Variants in AFAP1 observed in about 807,000 individuals in gnomAD.
AFAP1 encodes actin filament associated protein 1, also known as actin filament-associated protein 1.
Under a neutral mutation model 93.9 loss-of-function variants are expected in AFAP1, and 75 were observed. That is an observed-to-expected ratio of 0.80 (90% confidence interval 0.66 to 0.97). The LOEUF is 0.97. Among genes scored for constraint, AFAP1 ranks in the 50% least tolerant of loss-of-function variants. AFAP1 has a pLI of 0.00. For synonymous variants in AFAP1, 517 were observed against 430.7 expected (o/e 1.20, Z -2.48); for missense variants, 1,201 against 1,050.8 (o/e 1.14, Z -1.98).
intron 9 of AFAP1, among the ~76,000 whole-genome samples, chr4:7,802,982 C>T (rs1027909544): frequency 1.3e-5 from 2 of 152,186 alleles, no homozygotes; most frequent in Non-Finnish European, 2.9e-5. Flanking sequence ...AAAAGAGAAT[C>T]AACTATCATA....
intron 3 of AFAP1, among the ~76,000 whole-genome samples, chr4:7,863,690 G>C (rs889802326): frequency 3.9e-5 from 6 of 152,044 alleles, no homozygotes; most frequent in African/African-American, 1.4e-4. Context: ...GTCACACAGG[G>C]CATCTCAGGC....
intron 8 of AFAP1, among the ~76,000 whole-genome samples, chr4:7,813,783 A>G (rs1720245378): frequency 6.6e-6 from 1 of 152,238 alleles, no homozygotes; most frequent in Non-Finnish European, 1.5e-5. Context: ...AAAAGTGGGT[A>G]TCGTGACCTC....
chr4:7,769,482 A>C (rs1039558509), intron 16 of AFAP1, among the ~76,000 whole-genome samples: 1 of 152,184 alleles, frequency 6.6e-6, no homozygotes, highest in Non-Finnish European at 1.5e-5. Context: ...CTCGCTGGAG[A>C]AAAGCAGGCT....
intron 3 of AFAP1, among the ~76,000 whole-genome samples, chr4:7,863,203 C>T (rs1387269403): frequency 6.6e-6 from 1 of 152,158 alleles, no homozygotes; most frequent in African/African-American, 2.4e-5. Flanking sequence ...ACTGCCTGAG[C>T]CCAGGAGTTT....
chr4:7,855,670 T>C lies in AFAP1; in HGVS notation c.226-96A>G, dbSNP rs542818136. 4 of 1,024,238 alleles carry C rather than the reference T, an allele frequency of 3.9e-6. No individual in the cohort carries two copies. The South Asian group carries it at 5.3e-5, about 14-fold the overall frequency. 63.4% of individuals were successfully genotyped at this position (1,024,238 alleles called of 1,614,324 possible). A position where few individuals can be genotyped will look rare whatever the true frequency, so the allele number is the denominator to read the frequency against. On this transcript the variant is annotated intron_variant, in intron 3 of 17. Transcript: ENST00000420658. ...ACAGGTGTGGCCAGTCTTTTCCTCTTTCCTTTGTAAAGTCTTCGGCAAAAG... is the reference window on the plus strand; with the variant it reads ...ACAGGTGTGGCCAGTCTTTTCCTCTCTCCTTTGTAAAGTCTTCGGCAAAAG...
At chr4:7,852,949 T>C (rs1714623018) in intron 4 of AFAP1, among the ~76,000 whole-genome samples, 1 of 152,164 alleles carries the variant, frequency 6.6e-6, no homozygotes, top group African/African-American at 2.4e-5. Flanking sequence ...GGGCTCTGTC[T>C]CCTCTGCGGG....
chr4:7,786,442 G>A (rs920707092), intron 11 of AFAP1, 131 bp from the exon 12 acceptor site: 1 of 739,910 alleles, frequency 1.4e-6, no homozygotes, highest in Non-Finnish European at 2.3e-6. Context: ...AGAAATACTA[G>A]ACAGAATCTC....
intron 4 of AFAP1, among the ~76,000 whole-genome samples, chr4:7,851,886 G>C (rs901896178): frequency 7.9e-5 from 12 of 152,214 alleles, no homozygotes; most frequent in Admixed American, 5.9e-4. Flanking sequence ...TTGCCTTCTA[G>C]GTCCACAGGG....
intron 10 of AFAP1, among the ~76,000 whole-genome samples, chr4:7,794,866 T>A (rs1718242991): frequency 6.6e-6 from 1 of 152,168 alleles, no homozygotes; most frequent in South Asian, 2.1e-4. Flanking sequence ...ATCAGTTACA[T>A]TTTTAGTGGT....
chr4:7,766,801 T>C (rs1217099279), intron 17 of AFAP1, among the ~76,000 whole-genome samples: 1 of 152,126 alleles, frequency 6.6e-6, no homozygotes, highest in Non-Finnish European at 1.5e-5. Context: ...AAATCTGACC[T>C]GGAGCTGTGC....
intron 1 of AFAP1, among the ~76,000 whole-genome samples, chr4:7,929,078 G>A (rs545701145): frequency 6.6e-6 from 1 of 152,326 alleles, no homozygotes; most frequent in African/African-American, 2.4e-5. Context: ...GGCAGGGGTG[G>A]GAATCAGCAC....
intron 1 of AFAP1, among the ~76,000 whole-genome samples, chr4:7,903,215 C>G (rs904654858): frequency 2.0e-5 from 3 of 152,136 alleles, no homozygotes; most frequent in Non-Finnish European, 4.4e-5. Flanking sequence ...GACTAACTAT[C>G]TAGGTGCCAG....
At chr4:7,787,457 G>C (rs946944103) in intron 11 of AFAP1, among the ~76,000 whole-genome samples, 3 of 152,226 alleles carry the variant, frequency 2.0e-5, no homozygotes, top group Admixed American at 2.0e-4. Context: ...AGACGCACAG[G>C]TGATATCCTG....
rs746065243 is a variant in AFAP1, at chr4:7,936,035, C to CA, written c.-3+3620dup. ...CCTAAGATCACATTCCCCAAAAGAA[C>CA]AAAGTACATGGAGCATATAACAAAG... On this transcript the variant is annotated intron_variant, in intron 1 of 17. Coordinates refer to ENST00000420658, the MANE Select transcript of AFAP1 (RefSeq NM_001134647.2). Among the ~76,000 whole-genome samples the CA allele has an allele frequency of 3.3e-5, 5 of 152,108 alleles. No homozygotes were observed. The East Asian group carries it at 5.8e-4, about 18-fold the overall frequency.
chr4:7,769,767 T>C (rs551036041), intron 16 of AFAP1, among the ~76,000 whole-genome samples: 5 of 152,328 alleles, frequency 3.3e-5, no homozygotes, highest in African/African-American at 7.2e-5. Context: ...TCAGGGTATA[T>C]GGAATATTGT....
At chr4:7,797,477 G>A (rs555654838) in intron 10 of AFAP1, among the ~76,000 whole-genome samples, 2 of 152,168 alleles carry the variant, frequency 1.3e-5, no homozygotes, top group Non-Finnish European at 2.9e-5. Flanking sequence ...CACCTCCATG[G>A]GCTCCCGCTA....
intron 3 of AFAP1, among the ~76,000 whole-genome samples, chr4:7,863,931 T>C (rs1716054930): frequency 1.4e-5 from 1 of 69,730 alleles, no homozygotes; most frequent in South Asian, 6.8e-4. Context: ...TTCAATGGCT[T>C]ACTGTTGCTT....
At chr4:7,835,339 C>T (rs61156585) in intron 6 of AFAP1, among the ~76,000 whole-genome samples, 63 of 31,740 alleles carry the variant, frequency 2.0e-3, no homozygotes, top group African/African-American at 3.1e-3. Flanking sequence ...CGGGCGGCCT[C>T]AAGGTTACCT....
At chr4:7,867,736 A>C (rs1716585358) in intron 3 of AFAP1, among the ~76,000 whole-genome samples, 2 of 152,110 alleles carry the variant, frequency 1.3e-5, no homozygotes. Flanking sequence ...GTGGGAGTTA[A>C]TGAGTTGTAA....
Sources: gnomAD v4.1 joint callset for allele counts (sites outside exome capture counted in the v4.1 genomes callset) on GRCh38, gnomAD v4.1.1 for gene constraint, MANE v1.5 for transcripts, NCBI Gene and HGNC (gene_info 2026-07-23, HGNC 2026-07-21) for gene names.